The following RUNX1 variants were observed in gnomAD, a reference collection of about 807,000 sequenced individuals.
The protein encoded by RUNX1 is runt-related transcription factor 1.
A neutral mutation model predicts 42.8 loss-of-function variants in RUNX1; 19 were observed. That is an observed-to-expected ratio of 0.44 (90% CI 0.31 to 0.65). The LOEUF is 0.65. Among genes scored for constraint, RUNX1 ranks in the 30% least tolerant of loss-of-function variants. The probability of loss-of-function intolerance (pLI) is 0.07; values close to 1 mark genes in which losing one functional copy is unlikely to be tolerated. For missense variants in RUNX1, 528 were observed against 672.0 expected, an observed-to-expected ratio of 0.79 and a Z score of 2.37; for synonymous variants, 271 against 289.4, an observed-to-expected ratio of 0.94 and a Z score of 0.64.
chr21:34,973,295 A>G (rs1341503643), intron 2 of RUNX1, among the ~76,000 whole-genome samples: 1 of 152,222 alleles, frequency 6.6e-6, no homozygotes, highest in Non-Finnish European at 1.5e-5. Context: ...CTCCCTTGCT[A>G]CATAGTTATC....
rs1333416048 is a variant in RUNX1 at position 34,985,889 on chromosome 21, T to C, written c.58+62953A>G. Among the ~76,000 whole-genome samples the C allele has an allele frequency of 2.5e-5, 3 of 118,430 alleles. No individual in the cohort carries two copies. The East Asian group carries it at 7.5e-4, about 30-fold the overall frequency. The allele number at this position is 118,430 out of a possible 152,430, so 77.7% of individuals were successfully genotyped here. A position where few individuals can be genotyped will look rare whatever the true frequency, so the allele number is the denominator to read the frequency against. ...AGACTTTTTTTTTTTTTTTTTTTTT[T>C]TGAGACAGGGTCTCACTCTGTCACC... is the stretch of plus-strand genomic sequence containing the variant. On this transcript the variant is annotated intron_variant, in intron 2 of 8. Transcript: ENST00000675419.
In RUNX1 at chr21:34,803,425, T is replaced by C. The variant is rs915978722; in HGVS notation, c.806-3963A>G. ...AGCCGGGCATGGTGGCGGGCGCCTG[T>C]AGTCCCAGCTACTCGGGAGGCTGAG... On this transcript the variant is annotated intron_variant, in intron 7 of 8. Coordinates refer to ENST00000675419, the MANE Select transcript of RUNX1 (RefSeq NM_001754.5). Among the ~76,000 whole-genome samples the C allele has an allele frequency of 2.0e-5, 3 of 152,064 alleles. No individual in the cohort carries two copies. In the East Asian group the frequency reaches 5.8e-4, roughly 29 times the overall value.
At chr21:34,996,607 T>C (rs897569079) in intron 2 of RUNX1, among the ~76,000 whole-genome samples, 8 of 146,734 alleles carry the variant, frequency 5.5e-5, no homozygotes, top group African/African-American at 1.8e-4. Flanking sequence ...TTTAAAAATA[T>C]TAGCTAGCTT....
At chr21:34,990,231 C>T (rs1020514849) in intron 2 of RUNX1, among the ~76,000 whole-genome samples, 8 of 150,330 alleles carry the variant, frequency 5.3e-5, no homozygotes, top group South Asian at 2.1e-4. Context: ...GCATCAGATC[C>T]GACAAAATAG....
At chr21:34,865,325 T>TG (rs2057644967) in intron 5 of RUNX1, among the ~76,000 whole-genome samples, 1 of 138,550 alleles carries the variant, frequency 7.2e-6, no homozygotes, top group South Asian at 2.3e-4. Context: ...TGTGTGTGTG[T>TG]TCAGCAGGTG....
chr21:34,820,865 C>T (rs2056898391), intron 7 of RUNX1, among the ~76,000 whole-genome samples: 1 of 152,140 alleles, frequency 6.6e-6, no homozygotes, highest in Non-Finnish European at 1.5e-5. Flanking sequence ...CTGAGGCAGA[C>T]CCGAACCAGC....
At chr21:35,025,829 A>G (rs1201745193) in intron 2 of RUNX1, among the ~76,000 whole-genome samples, 14 of 152,098 alleles carry the variant, frequency 9.2e-5, no homozygotes, top group Admixed American at 9.2e-4. Context: ...AGGGGAGGAA[A>G]AGGGAAACTC....
chr21:34,973,883 A>T (rs2058780501), intron 2 of RUNX1, among the ~76,000 whole-genome samples: 1 of 152,112 alleles, frequency 6.6e-6, no homozygotes, highest in Non-Finnish European at 1.5e-5. Context: ...CTTTATCTAC[A>T]TTTACACATT....
intron 2 of RUNX1, among the ~76,000 whole-genome samples, chr21:35,002,943 C>A (rs1345598043): frequency 3.3e-5 from 5 of 152,204 alleles, no homozygotes; most frequent in East Asian, 1.9e-4. Context: ...ACAAGACCAA[C>A]AAGTGATTAC....
At chr21:34,811,294 G>C (rs1038769822) in intron 7 of RUNX1, among the ~76,000 whole-genome samples, 4 of 152,222 alleles carry the variant, frequency 2.6e-5, no homozygotes, top group Non-Finnish European at 4.4e-5. Context: ...TCAAAGGGCT[G>C]CTTCTGTGCT....
At chr21:34,852,803 A>C (rs1009837584) in intron 6 of RUNX1, among the ~76,000 whole-genome samples, 4 of 152,200 alleles carry the variant, frequency 2.6e-5, no homozygotes, top group African/African-American at 9.7e-5. Context: ...AATCTGATGA[A>C]TTCAAGGGAA....
intron 7 of RUNX1, among the ~76,000 whole-genome samples, chr21:34,809,681 AGGGGCCGGT>A (rs988140633): frequency 2.2e-4 from 33 of 152,230 alleles, no homozygotes; most frequent in African/African-American, 7.9e-4. Context: ...TGTGCTGATG[AGGGGCCGGT>A]GGGATTTCCT....
intron 2 of RUNX1, among the ~76,000 whole-genome samples, chr21:35,030,910 GC>G (rs1390819318): frequency 6.6e-6 from 1 of 152,090 alleles, no homozygotes; most frequent in Non-Finnish European, 1.5e-5. Flanking sequence ...TAAAAACTGG[GC>G]AAAGGACCTG....
In RUNX1 at chr21:34,788,901, G is replaced by A. The variant is rs1214575144; in HGVS notation, c.*3234C>T. 1 of 233,238 alleles carries A rather than the reference G, an allele frequency of 4.3e-6. No homozygotes were observed. The highest frequency in any genetic ancestry group is 8.5e-6 in the Non-Finnish European group (1 of 118,042). 14.4% of individuals were successfully genotyped at this position (233,238 alleles called of 1,614,324 possible). ...CAACAAAAATAAAAATCATCAGGAC[G>A]GAATGTCCCAAAGAAACAGGTATTT... On this transcript the variant is annotated 3_prime_UTR_variant, in exon 9 of 9. Transcript: ENST00000675419.
rs747385786 is a variant in RUNX1, at chr21:34,933,509, T to C, written c.59-40546A>G. Among the ~76,000 whole-genome samples the C allele has an allele frequency of 4.6e-5, 7 of 152,352 alleles. No individual in the cohort carries two copies. The South Asian group carries it at 6.2e-4, about 14-fold the overall frequency. On this transcript the variant is annotated intron_variant, in intron 2 of 8. Coordinates refer to ENST00000675419, the MANE Select transcript of RUNX1 (RefSeq NM_001754.5). ...AATCCTTCAGCAAGTTTTGATGTTTTTTTTATGACTTCTGGCAAGCTGGAG... is the reference window on the plus strand; with the variant it reads ...AATCCTTCAGCAAGTTTTGATGTTTCTTTTATGACTTCTGGCAAGCTGGAG...
intron 5 of RUNX1, among the ~76,000 whole-genome samples, chr21:34,870,914 C>T (rs140042523): frequency 1.4e-3 from 207 of 152,162 alleles, no homozygotes; most frequent in African/African-American, 4.7e-3. Flanking sequence ...GCTGAGATCA[C>T]GACACTGCAT....
chr21:34,874,631 A>AAAAAG, intron 5 of RUNX1, among the ~76,000 whole-genome samples: 1 of 147,956 alleles, frequency 6.8e-6, no homozygotes, highest in Non-Finnish European at 1.5e-5. Flanking sequence ...AAAAAAAAAA[A>AAAAAG]AAAAGACAGT....
rs1601392519 is a variant in RUNX1, at chr21:34,821,566, G to C, written c.805+12844C>G. 21 of 1,543,028 alleles carry C rather than the reference G, an allele frequency of 1.4e-5. No individual in the cohort carries two copies. The South Asian group carries it at 2.0e-4, about 15-fold the overall frequency. ...CTGCCTTCCTCATAACGTGCATTCT[G>C]AGGGCTGTCATCTTTCTTCTGAGTC... On this transcript the variant is annotated intron_variant, in intron 7 of 8. Transcript: ENST00000675419.
intron 8 of RUNX1, among the ~76,000 whole-genome samples, chr21:34,796,792 T>C (rs1303073524): frequency 6.6e-6 from 1 of 152,092 alleles, no homozygotes; most frequent in African/African-American, 2.4e-5. Context: ...AGCTAAACAT[T>C]AATTTTTTTT....
Sources: gnomAD v4.1 joint callset for allele counts (sites outside exome capture counted in the v4.1 genomes callset) on GRCh38, gnomAD v4.1.1 for gene constraint, MANE v1.5 for transcripts, NCBI Gene and HGNC (gene_info 2026-07-23, HGNC 2026-07-21) for gene names.